Variants in SYNE1 observed in about 807,000 individuals in gnomAD.
SYNE1 encodes nesprin-1.
In SYNE1, 616 loss-of-function variants were observed where a neutral mutation model predicts 1,111.0. That is an observed-to-expected ratio of 0.55 (90% CI 0.52 to 0.59). SYNE1 has a LOEUF of 0.59. Ranked by LOEUF, SYNE1 falls within the 20% of genes least tolerant of loss-of-function variation. The probability of loss-of-function intolerance (pLI) is 0.00; values close to 1 mark genes in which losing one functional copy is unlikely to be tolerated. For missense variants in SYNE1, 10,006 were observed against 10,417.0 expected, an observed-to-expected ratio of 0.96 and a Z score of 1.72; for synonymous variants, 3,855 against 3,825.8, an observed-to-expected ratio of 1.01 and a Z score of -0.28.
Position 152,430,644 on chromosome 6 carries a change from A to G in SYNE1, c.4527T>C (p.Ser1509=), listed in dbSNP as rs758339344. The change falls in exon 35 of 146, where the codon TCT becomes TCC. Residue 1509 remains serine (S), a synonymous_variant. Transcript: ENST00000367255. ...SIVGLEEEAQ[S]FAQFVTTGES... ...CTCCAGTGGTAACAAACTGAGCAAA[A>G]GACTGGGCTTCTTCTTCTAATCCTA... 2.5e-6 allele frequency: 4 copies of G among 1,614,134 alleles called. No homozygotes were observed. Among genetic ancestry groups the G allele is most frequent in the East Asian group, 4.5e-5 (2 of 44,872 alleles).
chr6:152,609,284 C>T (rs1727059), intron 3 of SYNE1, among the ~76,000 whole-genome samples: 108,713 of 151,864 alleles, frequency 0.72, 39,003 homozygotes, highest in East Asian at 0.81. Flanking sequence ...TGCACTTTTC[C>T]CAAGGTCTTA....
intron 3 of SYNE1, among the ~76,000 whole-genome samples, chr6:152,612,148 G>C (rs1304640131): frequency 6.6e-6 from 1 of 151,452 alleles, no homozygotes; most frequent in African/African-American, 2.4e-5. Context: ...ACTAAGATCA[G>C]AGCAGAACTG....
chr6:152,626,172 G>T (rs2099685314), intron 3 of SYNE1, among the ~76,000 whole-genome samples: 1 of 152,028 alleles, frequency 6.6e-6, no homozygotes, highest in Non-Finnish European at 1.5e-5. Flanking sequence ...TAATAAAAAG[G>T]ACTTCCACTC....
rs777622916 is a variant in SYNE1, at chr6:152,462,911, G to A, written c.2098-21C>T. Reference sequence around the variant, plus strand: ...GCATACTGTTAAGGAAAGGGAGGAGGGAACATCGTGAAAGCCATTTAGCTG... The same window carrying A: ...GCATACTGTTAAGGAAAGGGAGGAGAGAACATCGTGAAAGCCATTTAGCTG... On this transcript the variant is annotated intron_variant, in intron 19 of 145. Coordinates refer to ENST00000367255, the MANE Select transcript of SYNE1 (RefSeq NM_182961.4). The A allele has an allele frequency of 6.8e-6, 11 of 1,613,442 alleles. No individual in the cohort carries two copies. The South Asian group carries it at 1.2e-4, about 18-fold the overall frequency.
At chr6:152,445,764 ATTAAT>A (rs980765344) in intron 29 of SYNE1, among the ~76,000 whole-genome samples, 3 of 152,214 alleles carry the variant, frequency 2.0e-5, no homozygotes, top group Non-Finnish European at 4.4e-5. Flanking sequence ...TGTGTTCAAC[ATTAAT>A]TTAAATACTA....
At chr6:152,364,805 T>G in intron 63 of SYNE1, 42 bp downstream of exon 63, 5 of 1,613,728 alleles carry the variant, frequency 3.1e-6, no homozygotes, top group Non-Finnish European at 4.2e-6. Context: ...TATTGATCTT[T>G]TAGTAATAGC....
intron 101 of SYNE1, among the ~76,000 whole-genome samples, chr6:152,261,489 C>G (rs577247430): frequency 6.6e-6 from 1 of 152,136 alleles, no homozygotes; most frequent in Non-Finnish European, 1.5e-5. Context: ...ACACAGTATC[C>G]CTCCCAGGAA....
chr6:152,338,425 C>A (rs1418735644), intron 75 of SYNE1, among the ~76,000 whole-genome samples: 3 of 151,950 alleles, frequency 2.0e-5, no homozygotes, highest in Non-Finnish European at 4.4e-5. Context: ...AGTTCGAGAC[C>A]AGCCTGGGAA....
At chr6:152,431,964 C>G (rs2098434339) in intron 34 of SYNE1, among the ~76,000 whole-genome samples, 1 of 152,050 alleles carries the variant, frequency 6.6e-6, no homozygotes, top group Non-Finnish European at 1.5e-5. Context: ...AATAATTGTT[C>G]TAGTTGCTTG....
At chr6:152,558,475 T>G (rs953019274) in intron 3 of SYNE1, among the ~76,000 whole-genome samples, 1 of 152,132 alleles carries the variant, frequency 6.6e-6, no homozygotes, top group Non-Finnish European at 1.5e-5. Flanking sequence ...AAGCACATAG[T>G]CTGAAAGTAA....
rs373707741 is a variant in SYNE1, at chr6:152,176,469, T to A, written c.23552A>T (p.Lys7851Ile). 9 of 1,614,086 alleles carry A rather than the reference T, an allele frequency of 5.6e-6. No homozygotes were observed. Among genetic ancestry groups the A allele is most frequent in the Non-Finnish European group, 7.6e-6 (9 of 1,180,034 alleles). The change falls in exon 130 of 146, where the codon AAA becomes ATA. Residue 7851 changes from lysine (K) to isoleucine (I), a missense_variant. This residue lies in a region of SYNE1 where 2,182 missense variants were observed against 2,287.8 expected (regional missense o/e 0.95). Coordinates refer to ENST00000367255, the MANE Select transcript of SYNE1 (RefSeq NM_182961.4). ...ERLAKASHESKASEIEYKLGK... is the reference protein window; with the variant it reads ...ERLAKASHESIASEIEYKLGK... ...CAGCTTGTATTCAATCTCAGATGCT[T>A]TGCTTTCATGGCTGGCTTTAGCAAG... is the stretch of plus-strand genomic sequence containing the variant.
intron 76 of SYNE1, among the ~76,000 whole-genome samples, chr6:152,334,859 C>T (rs562010166): frequency 1.7e-4 from 26 of 152,298 alleles, no homozygotes; most frequent in African/African-American, 6.0e-4. Flanking sequence ...AGCCCCTATT[C>T]AAGATGGAGT....
intron 3 of SYNE1, among the ~76,000 whole-genome samples, chr6:152,599,380 C>G (rs1385332994): frequency 6.6e-6 from 1 of 152,204 alleles, no homozygotes; most frequent in African/African-American, 2.4e-5. Context: ...CAGAATTCCT[C>G]CCACTTCCCG....
rs765600141 is a variant in SYNE1 at position 152,149,561 on chromosome 6, C to T, written c.24558G>A (p.Glu8186=). The change falls in exon 136 of 146, where the codon GAG becomes GAA. Residue 8186 remains glutamate (E), a synonymous_variant. Transcript: ENST00000367255. ...KSEPLDAAII[E]EELDELRRYC... ...ACCGTCGGAGCTCATCTAGTTCCTCCTCGATGATCGCTGCATCCAAGGGCT... is the reference window on the plus strand; with the variant it reads ...ACCGTCGGAGCTCATCTAGTTCCTCTTCGATGATCGCTGCATCCAAGGGCT... 1 of 1,614,196 alleles carries T rather than the reference C, an allele frequency of 6.2e-7. No homozygotes were observed. Among genetic ancestry groups the T allele is most frequent in the Non-Finnish European group, 8.5e-7 (1 of 1,180,030 alleles).
Position 152,358,470 on chromosome 6 carries a change from A to G in SYNE1, c.10511T>C (p.Phe3504Ser), listed in dbSNP as rs1202451570. 6.2e-7 allele frequency: 1 copy of G among 1,614,128 alleles called. No homozygotes were observed. Among genetic ancestry groups the G allele is most frequent in the Middle Eastern group, 1.6e-4 (1 of 6,062 alleles). ...HQEYQRDLKA[F>S]EVWLGQEQEK... ...TTGTTCTTGCCCCAACCAAACTTCA[A>G]ATGCCTTTAGGTCTCTCTGATACTC... The change falls in exon 66 of 146, where the codon TTT (phenylalanine) becomes TCT (serine). Residue 3504 changes from phenylalanine (F) to serine (S), a missense_variant. Coordinates refer to ENST00000367255, the MANE Select transcript of SYNE1 (RefSeq NM_182961.4).
chr6:152,255,093 G>C lies in SYNE1; in HGVS notation c.19261-4C>G. The C allele has an allele frequency of 6.3e-7, 1 of 1,585,608 alleles. No individual in the cohort carries two copies. Among genetic ancestry groups the C allele is most frequent in the Non-Finnish European group, 8.6e-7 (1 of 1,162,856 alleles). ...CCTTAATGTCTTTGGCAAGAATCTA[G>C]AGGTGATAAAAGGGCATTTTTCAGT... On this transcript the variant is annotated splice_region_variant and splice_polypyrimidine_tract_variant and intron_variant, in intron 103 of 145. Transcript: ENST00000367255.
chr6:152,390,867 A>G (rs530923865), intron 52 of SYNE1, among the ~76,000 whole-genome samples: 2 of 152,236 alleles, frequency 1.3e-5, no homozygotes, highest in South Asian at 4.2e-4. Context: ...AGCTTTCAAT[A>G]TACCCTTGAT....
chr6:152,235,164 T>C (rs2083713227), intron 110 of SYNE1, among the ~76,000 whole-genome samples: 1 of 152,182 alleles, frequency 6.6e-6, no homozygotes, highest in South Asian at 2.1e-4. Flanking sequence ...ATGCTTCCCA[T>C]TGCCCTTGAG....
intron 107 of SYNE1, 32 bp from the exon 108 acceptor site, chr6:152,239,738 A>T (rs1345359480): frequency 6.2e-7 from 1 of 1,613,070 alleles, no homozygotes; most frequent in East Asian, 2.2e-5. Context: ...GAAGTCAGCA[A>T]CTCATTCATA....
Sources: allele counts gnomAD v4.1 joint callset (sites outside exome capture counted in the v4.1 genomes callset), GRCh38; gene constraint gnomAD v4.1.1; regional missense constraint gnomAD v4.1.1; transcripts MANE v1.5; gene names NCBI Gene and HGNC (gene_info 2026-07-23, HGNC 2026-07-21).